Variants in SPOCK1 observed in about 807,000 individuals in gnomAD.
The protein encoded by SPOCK1 is testican-1.
In SPOCK1, 23 loss-of-function variants were observed where a neutral mutation model predicts 55.3. That is an observed-to-expected ratio of 0.42 (90% CI 0.30 to 0.59). SPOCK1 has a LOEUF of 0.59. SPOCK1 is among the 20% of genes least tolerant of loss of function. The pLI, the probability that SPOCK1 is intolerant of heterozygous loss-of-function variation, is 0.22. For missense variants in SPOCK1, 499 were observed against 552.5 expected, an observed-to-expected ratio of 0.90 and a Z score of 0.97; for synonymous variants, 226 against 221.0, an observed-to-expected ratio of 1.02 and a Z score of -0.20.
At chr5:137,113,983 C>T (rs563946717) in intron 4 of SPOCK1, among the ~76,000 whole-genome samples, 38 of 152,216 alleles carry the variant, frequency 2.5e-4, no homozygotes, top group African/African-American at 7.0e-4. Flanking sequence ...CCAAGAGGAC[C>T]GTTAATTTGG....
At chr5:137,058,059 G>T (rs897367938) in intron 6 of SPOCK1, among the ~76,000 whole-genome samples, 1 of 152,208 alleles carries the variant, frequency 6.6e-6, no homozygotes, top group Non-Finnish European at 1.5e-5. Flanking sequence ...ATCAGTGAAG[G>T]CTGTGATCTC....
At chr5:137,471,661 CT>C (rs954297574) in intron 2 of SPOCK1, among the ~76,000 whole-genome samples, 10 of 152,178 alleles carry the variant, frequency 6.6e-5, no homozygotes, top group African/African-American at 2.4e-4. Flanking sequence ...AGAAGCAGTC[CT>C]TTCCTACCCA....
chr5:137,043,324 A>G (rs1371802835), intron 6 of SPOCK1, among the ~76,000 whole-genome samples: 3 of 152,210 alleles, frequency 2.0e-5, no homozygotes, highest in East Asian at 3.9e-4. Context: ...AAACAAATAA[A>G]TGGGGTAAAA....
In SPOCK1 at chr5:137,360,596, C is replaced by T. The variant is rs192165605; in HGVS notation, c.187-93541G>A. On this transcript the variant is annotated intron_variant, in intron 2 of 10. Transcript: ENST00000394945. Reference sequence around the variant, plus strand: ...GCACTTTGATCTCTGCAGTGCCTCACTTTATTTCTAAAGGGCTTTATTTTA... The same window carrying T: ...GCACTTTGATCTCTGCAGTGCCTCATTTTATTTCTAAAGGGCTTTATTTTA... 8.1e-4 allele frequency among the ~76,000 whole-genome samples: 124 copies of T among 152,336 alleles called. No homozygotes were observed. The East Asian group carries it at 0.011, about 13-fold the overall frequency.
At chr5:137,086,927 C>A (rs1752971675) in intron 5 of SPOCK1, among the ~76,000 whole-genome samples, 1 of 152,150 alleles carries the variant, frequency 6.6e-6, no homozygotes, top group South Asian at 2.1e-4. Context: ...GATGGAGAAA[C>A]TGAGACTCAC....
rs113193384 is a variant in SPOCK1, at chr5:137,002,710, C to T, written c.590-10110G>A. Among the ~76,000 whole-genome samples, 233 of 152,252 alleles carry T rather than the reference C, an allele frequency of 1.5e-3. 1 individual carries two copies. The highest frequency in any genetic ancestry group is 5.2e-3 in the African/African-American group (214 of 41,528). On this transcript the variant is annotated intron_variant, in intron 6 of 10. Coordinates refer to ENST00000394945, the MANE Select transcript of SPOCK1 (RefSeq NM_004598.4). ...GCAGAAATGACAACTGCTGTTCTCACCTAAAATCAGCAATGGCAAATGCTC... is the reference window on the plus strand; with the variant it reads ...GCAGAAATGACAACTGCTGTTCTCATCTAAAATCAGCAATGGCAAATGCTC...
intron 6 of SPOCK1, among the ~76,000 whole-genome samples, chr5:137,058,697 G>A (rs1752341263): frequency 6.6e-6 from 1 of 152,208 alleles, no homozygotes; most frequent in Admixed American, 6.5e-5. Flanking sequence ...TAGGTAGGAA[G>A]TTCAGGGGAA....
chr5:137,113,848 G>A, intron 4 of SPOCK1, among the ~76,000 whole-genome samples: 1 of 152,166 alleles, frequency 6.6e-6, no homozygotes, highest in Non-Finnish European at 1.5e-5. Context: ...GGAAGCAGAA[G>A]ACGGAAATAT....
chr5:137,287,163 A>G (rs79303887), intron 2 of SPOCK1, among the ~76,000 whole-genome samples: 1,822 of 152,296 alleles, frequency 0.012, 40 homozygotes, highest in African/African-American at 0.041. Flanking sequence ...GCCAAGCATT[A>G]TGGGGACATA....
At chr5:137,293,812 C>T (rs950363365) in intron 2 of SPOCK1, among the ~76,000 whole-genome samples, 2 of 151,922 alleles carry the variant, frequency 1.3e-5, no homozygotes, top group Admixed American at 6.6e-5. Context: ...GTCAGGAGAT[C>T]GAGACCATCC....
chr5:137,341,380 G>A (rs188283446), intron 2 of SPOCK1, among the ~76,000 whole-genome samples: 38 of 152,338 alleles, frequency 2.5e-4, no homozygotes, highest in African/African-American at 7.9e-4. Flanking sequence ...CCAGCAAATC[G>A]AACAGGTGTC....
chr5:137,394,794 C>A (rs1580901876), intron 2 of SPOCK1, among the ~76,000 whole-genome samples: 1 of 152,206 alleles, frequency 6.6e-6, no homozygotes, highest in African/African-American at 2.4e-5. Context: ...AAGATAGTCT[C>A]CAGAGCAGAG....
intron 2 of SPOCK1, among the ~76,000 whole-genome samples, chr5:137,286,327 G>A (rs1274907101): frequency 2.0e-5 from 3 of 152,288 alleles, no homozygotes; most frequent in Admixed American, 2.0e-4. Flanking sequence ...TGAGTAAGAA[G>A]GGATGTAGGG....
intron 3 of SPOCK1, among the ~76,000 whole-genome samples, chr5:137,163,388 C>G (rs1428728899): frequency 1.3e-5 from 2 of 152,112 alleles, no homozygotes; most frequent in Non-Finnish European, 2.9e-5. Context: ...GCTCAAAGAC[C>G]TCAGTGGGCA....
intron 2 of SPOCK1, among the ~76,000 whole-genome samples, chr5:137,271,959 T>C (rs545440385): frequency 5.9e-5 from 9 of 152,126 alleles, no homozygotes; most frequent in Admixed American, 6.5e-5. Context: ...AGAAAATAAA[T>C]GGGAGCCTCA....
intron 4 of SPOCK1, among the ~76,000 whole-genome samples, chr5:137,122,347 T>C (rs940514556): frequency 6.6e-6 from 1 of 152,016 alleles, no homozygotes; most frequent in Non-Finnish European, 1.5e-5. Flanking sequence ...AGCAGTGTAA[T>C]TGCAAGCTAT....
chr5:137,095,621 C>G (rs1753133138), intron 5 of SPOCK1, among the ~76,000 whole-genome samples: 1 of 152,200 alleles, frequency 6.6e-6, no homozygotes, highest in African/African-American at 2.4e-5. Context: ...GCACCTGGCA[C>G]AGAGTACACA....
chr5:137,350,802 TGTGTGTGTGTGTGTGTCCACGCAC>T (rs796683093), intron 2 of SPOCK1, among the ~76,000 whole-genome samples: 22 of 151,406 alleles, frequency 1.5e-4, no homozygotes, highest in African/African-American at 5.1e-4. Context: ...GGGTTGTGTG[TGTGTGTGTGTGTGTGTCCACGCAC>T]GTGTGCGTGT....
intron 2 of SPOCK1, among the ~76,000 whole-genome samples, chr5:137,412,074 G>A (rs1469932349): frequency 1.3e-5 from 2 of 152,166 alleles, no homozygotes; most frequent in African/African-American, 4.8e-5. Flanking sequence ...AAGAGTTGAG[G>A]GGAAGAGCCA....
Sources: allele counts gnomAD v4.1 joint callset (sites outside exome capture counted in the v4.1 genomes callset), GRCh38; gene constraint gnomAD v4.1.1; transcripts MANE v1.5; gene names NCBI Gene and HGNC (gene_info 2026-07-23, HGNC 2026-07-21).